BEND6: variants seen among roughly 807,000 people sequenced by gnomAD.
The protein encoded by BEND6 is BEN domain-containing protein 6.
In BEND6, 24 loss-of-function variants were observed where a neutral mutation model predicts 31.8. The observed-to-expected ratio is 0.75, with a 90% CI of 0.55 to 1.06. BEND6 has a LOEUF of 1.06. Ranked by LOEUF, BEND6 falls within the 50% of genes least tolerant of loss-of-function variation. The probability of loss-of-function intolerance (pLI) is 0.00; values close to 1 mark genes in which losing one functional copy is unlikely to be tolerated. For synonymous variants in BEND6, 109 were observed against 114.6 expected, an observed-to-expected ratio of 0.95 and a Z score of 0.31; for missense variants, 294 against 327.4, an observed-to-expected ratio of 0.90 and a Z score of 0.79.
intron 3 of BEND6, among the ~76,000 whole-genome samples, chr6:57,007,414 CCAAA>C: frequency 6.6e-6 from 1 of 152,076 alleles, no homozygotes; most frequent in East Asian, 1.9e-4. Context: ...ATTTAAGACC[CCAAA>C]CAATGAAACT....
chr6:56,996,751 T>G (rs968470486), intron 3 of BEND6, among the ~76,000 whole-genome samples: 3 of 152,230 alleles, frequency 2.0e-5, no homozygotes, highest in Non-Finnish European at 4.4e-5. Context: ...CATTAGCAAA[T>G]CCCACTAGCT....
intron 2 of BEND6, among the ~76,000 whole-genome samples, chr6:56,988,277 A>G (rs957304004): frequency 2.7e-4 from 41 of 151,948 alleles, no homozygotes; most frequent in African/African-American, 9.4e-4. Context: ...CGGCCTCCCA[A>G]AGTGCTGAGA....
chr6:56,956,521 T>TA (rs1409013337), intron 1 of BEND6, among the ~76,000 whole-genome samples: 9 of 152,374 alleles, frequency 5.9e-5, no homozygotes, highest in Admixed American at 2.0e-4. Flanking sequence ...AAACAACAGA[T>TA]ACGTTTTGTT....
At chr6:56,983,766 A>G in intron 2 of BEND6, among the ~76,000 whole-genome samples, 1 of 152,106 alleles carries the variant, frequency 6.6e-6, no homozygotes, top group East Asian at 1.9e-4. Context: ...TTTAATACCT[A>G]TCTATATTGC....
chr6:56,978,214 T>C (rs963890895), intron 1 of BEND6, among the ~76,000 whole-genome samples: 8 of 152,064 alleles, frequency 5.3e-5, no homozygotes, highest in African/African-American at 1.7e-4. Context: ...GCCCAGGACT[T>C]CAAGGCTGCA....
intron 4 of BEND6, 113 bp downstream of exon 4, chr6:57,015,466 T>C: frequency 1.9e-6 from 2 of 1,059,798 alleles, no homozygotes; most frequent in Non-Finnish European, 1.3e-6. Flanking sequence ...AAAATAGTTT[T>C]ATTCAATAGG....
At chr6:57,007,087 C>G (rs542303806) in intron 3 of BEND6, among the ~76,000 whole-genome samples, 1 of 152,088 alleles carries the variant, frequency 6.6e-6, no homozygotes, top group African/African-American at 2.4e-5. Context: ...CCTAGGAGTT[C>G]GAGACCACCC....
chr6:57,002,681 A>T (rs1826988962), intron 3 of BEND6, among the ~76,000 whole-genome samples: 1 of 152,144 alleles, frequency 6.6e-6, no homozygotes, highest in Non-Finnish European at 1.5e-5. Flanking sequence ...TAGAAATATA[A>T]CATACCAAAA....
intron 3 of BEND6, chr6:57,010,918 C>A: frequency 2.0e-6 from 1 of 504,942 alleles, no homozygotes; most frequent in Non-Finnish European, 2.6e-6. Context: ...ATTTGCAACT[C>A]AAGAAAAATA....
At chr6:57,018,017 G>A (rs545221940) in intron 5 of BEND6, among the ~76,000 whole-genome samples, 2 of 152,336 alleles carry the variant, frequency 1.3e-5, no homozygotes, top group South Asian at 4.1e-4. Flanking sequence ...GCTGGGCGTG[G>A]TGGCTCATGC....
At chr6:56,975,585 ATTTC>A in intron 1 of BEND6, 1 of 322,206 alleles carries the variant, frequency 3.1e-6, no homozygotes, top group Non-Finnish European at 6.2e-6. Context: ...GTATCCACTT[ATTTC>A]TTCTCGAAAG....
chr6:56,999,714 G>A (rs1196919384), intron 3 of BEND6, among the ~76,000 whole-genome samples: 1 of 152,184 alleles, frequency 6.6e-6, no homozygotes, highest in African/African-American at 2.4e-5. Context: ...CATTGACTGA[G>A]ACCACAGAGA....
intron 3 of BEND6, among the ~76,000 whole-genome samples, chr6:56,995,423 A>G (rs1826670372): frequency 6.6e-6 from 1 of 152,132 alleles, no homozygotes; most frequent in South Asian, 2.1e-4. Context: ...ATCATCAGTC[A>G]TCTCCATGTA....
intron 1 of BEND6, among the ~76,000 whole-genome samples, chr6:56,967,445 C>T (rs183453174): frequency 4.6e-5 from 7 of 152,058 alleles, no homozygotes; most frequent in Admixed American, 2.0e-4. Flanking sequence ...GATAAATTCT[C>T]CTGACTCGCT....
intron 1 of BEND6, among the ~76,000 whole-genome samples, chr6:56,971,359 CTTAT>C: frequency 6.6e-6 from 1 of 152,250 alleles, no homozygotes; most frequent in East Asian, 1.9e-4. Flanking sequence ...GCCCATTTTG[CTTAT>C]TTATTCATCT....
At chr6:57,015,600 A>C (rs1562558434) in intron 4 of BEND6, among the ~76,000 whole-genome samples, 1 of 151,656 alleles carries the variant, frequency 6.6e-6, no homozygotes, top group Non-Finnish European at 1.5e-5. Flanking sequence ...GATCGAGACC[A>C]TCCTGGCTAA....
At chr6:56,983,751 C>T (rs1168379152) in intron 2 of BEND6, among the ~76,000 whole-genome samples, 2 of 152,134 alleles carry the variant, frequency 1.3e-5, no homozygotes, top group African/African-American at 2.4e-5. Context: ...ACAATTAGCA[C>T]TGTTTTTAAT....
Position 56,955,208 on chromosome 6 carries a change from C to G in BEND6, c.-353C>G, listed in dbSNP as rs1341566604. 1.3e-5 allele frequency: 2 copies of G among 151,692 alleles called. No homozygotes were observed. Among genetic ancestry groups the G allele is most frequent in the African/African-American group, 2.4e-5 (1 of 41,408 alleles). 9.4% of individuals were successfully genotyped at this position (151,692 alleles called of 1,614,324 possible). A position where few individuals can be genotyped will look rare whatever the true frequency, so the allele number is the denominator to read the frequency against. On this transcript the variant is annotated 5_prime_UTR_variant, in exon 1 of 7. Transcript: ENST00000370746. ...CCCGGGCCTGAGAGCCCAGCGCCCT[C>G]CCGCGGGGCCGCCCGCCAGTCCGCG...
At chr6:56,964,886 G>T (rs997480508) in intron 1 of BEND6, among the ~76,000 whole-genome samples, 4 of 152,082 alleles carry the variant, frequency 2.6e-5, no homozygotes, top group Non-Finnish European at 5.9e-5. Context: ...CTTTAATATA[G>T]CTTCCTGGGC....
Sources: allele counts gnomAD v4.1 joint callset (sites outside exome capture counted in the v4.1 genomes callset), GRCh38; gene constraint gnomAD v4.1.1; transcripts MANE v1.5; gene names NCBI Gene and HGNC (gene_info 2026-07-23, HGNC 2026-07-21).